The following FYB1 variants were observed in gnomAD, a reference collection of about 807,000 sequenced individuals.
The protein encoded by FYB1 is FYN binding protein 1.
In FYB1, 41 loss-of-function variants were observed where a neutral mutation model predicts 94.1. That is an observed-to-expected ratio of 0.44 (90% CI 0.34 to 0.57). The LOEUF (loss-of-function observed/expected upper bound fraction) is 0.57, where lower values mean the gene tolerates loss of function less well. FYB1 is among the 20% of genes least tolerant of loss of function. The pLI is 0.02. For missense variants in FYB1, 1,050 were observed against 976.8 expected, an observed-to-expected ratio of 1.07 and a Z score of -1.00; for synonymous variants, 367 against 353.2, an observed-to-expected ratio of 1.04 and a Z score of -0.44.
chr5:39,246,440 G>T (rs261746), intron 1 of FYB1, among the ~76,000 whole-genome samples: 140,073 of 152,262 alleles, frequency 0.92, 64,598 homozygotes, highest in South Asian at 0.95. Flanking sequence ...CCTGTCATAA[G>T]GATAATTTGG....
intron 2 of FYB1, among the ~76,000 whole-genome samples, chr5:39,190,702 T>C (rs1487631339): frequency 3.3e-5 from 5 of 152,164 alleles, no homozygotes; most frequent in Non-Finnish European, 5.9e-5. Flanking sequence ...TTCTAAAGGC[T>C]TGCCTTATTC....
chr5:39,156,067 C>T (rs1743721340), intron 2 of FYB1, among the ~76,000 whole-genome samples: 1 of 152,172 alleles, frequency 6.6e-6, no homozygotes, highest in Middle Eastern at 3.4e-3. Flanking sequence ...TGTGACTTAT[C>T]CTCTCATGGA....
chr5:39,148,257 TG>T (rs2150349137), intron 3 of FYB1, among the ~76,000 whole-genome samples: 1 of 114,934 alleles, frequency 8.7e-6, no homozygotes, highest in Non-Finnish European at 1.8e-5. Flanking sequence ...CTTGAATTCC[TG>T]GATTCATGTG....
intron 16 of FYB1, among the ~76,000 whole-genome samples, chr5:39,118,196 A>G (rs1452212894): frequency 6.6e-6 from 1 of 152,132 alleles, no homozygotes; most frequent in East Asian, 1.9e-4. Flanking sequence ...GAGCCACCGC[A>G]CCTGGCCCCC....
intron 2 of FYB1, among the ~76,000 whole-genome samples, chr5:39,168,951 C>T (rs982493872): frequency 1.3e-5 from 2 of 152,138 alleles, no homozygotes; most frequent in Admixed American, 1.3e-4. Context: ...TCTTTCTCTA[C>T]ATGTATATTA....
intron 1 of FYB1, among the ~76,000 whole-genome samples, chr5:39,208,407 C>A (rs1251463100): frequency 1.3e-5 from 2 of 152,028 alleles, no homozygotes; most frequent in Admixed American, 1.3e-4. Context: ...AATAGTTTAC[C>A]CAAATCGGTT....
intron 1 of FYB1, chr5:39,270,554 A>T (rs952586617): frequency 6.5e-7 from 1 of 1,534,400 alleles, no homozygotes; most frequent in Non-Finnish European, 8.7e-7. Context: ...GAGAGTTATA[A>T]AATCTATTAC....
chr5:39,233,905 T>G (rs542064625), intron 1 of FYB1, among the ~76,000 whole-genome samples: 1 of 152,226 alleles, frequency 6.6e-6, no homozygotes, highest in East Asian at 1.9e-4. Context: ...CATAGTAGTA[T>G]TATTGTGTAG....
chr5:39,160,484 C>T (rs1405042762), intron 2 of FYB1, among the ~76,000 whole-genome samples: 1 of 152,120 alleles, frequency 6.6e-6, no homozygotes, highest in East Asian at 1.9e-4. Flanking sequence ...CCAAAACAAC[C>T]AAATACTACT....
chr5:39,265,137 A>G (rs1356598416), intron 1 of FYB1, among the ~76,000 whole-genome samples: 1 of 151,950 alleles, frequency 6.6e-6, no homozygotes, highest in Non-Finnish European at 1.5e-5. Context: ...GGAGTTCAAG[A>G]CCAGCCTGGC....
intron 1 of FYB1, among the ~76,000 whole-genome samples, chr5:39,264,896 C>T (rs1752360529): frequency 6.6e-6 from 1 of 152,210 alleles, no homozygotes; most frequent in African/African-American, 2.4e-5. Flanking sequence ...CTCAGCTCCT[C>T]ATTTGCCTCC....
At chr5:39,157,717 CA>C (rs1422210940) in intron 2 of FYB1, among the ~76,000 whole-genome samples, 2 of 152,140 alleles carry the variant, frequency 1.3e-5, no homozygotes, top group African/African-American at 2.4e-5. Flanking sequence ...TCCCAAAGCT[CA>C]GGGGGGGAAT....
At chr5:39,191,748 T>C (rs533881647) in intron 2 of FYB1, among the ~76,000 whole-genome samples, 4 of 152,224 alleles carry the variant, frequency 2.6e-5, no homozygotes, top group Non-Finnish European at 5.9e-5. Context: ...TAATCTATTG[T>C]TCTAGATGAT....
chr5:39,144,084 AT>A (rs1268251091), intron 3 of FYB1, among the ~76,000 whole-genome samples: 4 of 152,204 alleles, frequency 2.6e-5, no homozygotes, highest in African/African-American at 9.6e-5. Context: ...TGTACAGTCA[AT>A]TTTTTAAGTA....
At chr5:39,124,232 C>A (rs374289260) in intron 13 of FYB1, 21 bp downstream of exon 13, 14 of 1,523,478 alleles carry the variant, frequency 9.2e-6, no homozygotes, top group African/African-American at 1.4e-5. Flanking sequence ...ACAGAACATA[C>A]AATCAGTTTT....
At chr5:39,126,249 A>T (rs565491305) in intron 11 of FYB1, 114 bp from the exon 12 acceptor site, 8 of 1,136,488 alleles carry the variant, frequency 7.0e-6, no homozygotes, top group Non-Finnish European at 9.8e-6. Context: ...TTAATCATTC[A>T]GGCAGTAAAT....
intron 1 of FYB1, among the ~76,000 whole-genome samples, chr5:39,204,352 A>G (rs1298907960): frequency 6.6e-6 from 1 of 152,228 alleles, no homozygotes; most frequent in African/African-American, 2.4e-5. Flanking sequence ...AAGGAAAATG[A>G]GGCTGGAACT....
At chr5:39,204,202 G>A (rs959108272) in intron 1 of FYB1, among the ~76,000 whole-genome samples, 3 of 152,126 alleles carry the variant, frequency 2.0e-5, no homozygotes, top group Admixed American at 6.5e-5. Context: ...GCTTCTATAA[G>A]CCCCTATGCT....
chr5:39,268,425 TG>T (rs555083305), intron 1 of FYB1, among the ~76,000 whole-genome samples: 58 of 152,138 alleles, frequency 3.8e-4, no homozygotes, highest in African/African-American at 1.4e-3. Context: ...TTTATAGAGA[TG>T]ACATCTTGCT....
Sources: allele counts gnomAD v4.1 joint callset (sites outside exome capture counted in the v4.1 genomes callset), GRCh38; gene constraint gnomAD v4.1.1; transcripts MANE v1.5; gene names NCBI Gene and HGNC (gene_info 2026-07-23, HGNC 2026-07-21).